The following PTPRM variants were observed in gnomAD, a reference collection of about 807,000 sequenced individuals.
PTPRM encodes the protein protein tyrosine phosphatase receptor type M.
PTPRM carries 47 observed loss-of-function variants against 186.7 expected under a neutral mutation model. The ratio of observed to expected loss-of-function variants is 0.25; its 90% CI spans 0.20 to 0.32. PTPRM has a LOEUF of 0.32. Among genes scored for constraint, PTPRM ranks in the 10% least tolerant of loss-of-function variants. PTPRM has a pLI of 1.00. For synonymous variants in PTPRM, 668 were observed against 674.9 expected (o/e 0.99, Z 0.16); for missense variants, 1,494 against 1,865.0 (o/e 0.80, Z 3.66).
At chr18:7,854,658 T>G (rs1403986460) in intron 2 of PTPRM, among the ~76,000 whole-genome samples, 1 of 151,998 alleles carries the variant, frequency 6.6e-6, no homozygotes, top group Non-Finnish European at 1.5e-5. Flanking sequence ...TGATCACCTC[T>G]GAGGCATGAA....
At chr18:8,351,765 T>A (rs2095535428) in intron 23 of PTPRM, among the ~76,000 whole-genome samples, 1 of 152,132 alleles carries the variant, frequency 6.6e-6, no homozygotes, top group Non-Finnish European at 1.5e-5. Context: ...ATGATTCCCA[T>A]CCAGACACTG....
chr18:8,296,557 C>T (rs1814668402), intron 20 of PTPRM, 102 bp downstream of exon 20: 2 of 771,992 alleles, frequency 2.6e-6, no homozygotes, highest in Non-Finnish European at 2.2e-6. Flanking sequence ...GTGCAATTAC[C>T]TCCTTCATCC....
At chr18:8,074,142 A>G (rs757763250) in intron 8 of PTPRM, among the ~76,000 whole-genome samples, 1 of 152,200 alleles carries the variant, frequency 6.6e-6, no homozygotes, top group Non-Finnish European at 1.5e-5. Context: ...TCAAAAAAAT[A>G]GGCATACTAT....
chr18:8,020,994 T>C (rs7229479), intron 7 of PTPRM, among the ~76,000 whole-genome samples: 13,434 of 152,170 alleles, frequency 0.088, 654 homozygotes, highest in Middle Eastern at 0.28. Flanking sequence ...AGTGCAGTAT[T>C]GGGACTTGGT....
chr18:8,242,358 A>G (rs893941917), intron 14 of PTPRM, among the ~76,000 whole-genome samples: 2 of 152,240 alleles, frequency 1.3e-5, no homozygotes, highest in Non-Finnish European at 2.9e-5. Flanking sequence ...TGGCAGATTC[A>G]GAAGTGAAGA....
intron 2 of PTPRM, among the ~76,000 whole-genome samples, chr18:7,782,056 TG>T (rs2042882913): frequency 6.6e-6 from 1 of 152,226 alleles, no homozygotes; most frequent in African/African-American, 2.4e-5. Flanking sequence ...TAAATTGGAC[TG>T]GAGTTGTAGT....
intron 7 of PTPRM, among the ~76,000 whole-genome samples, chr18:8,002,568 C>T (rs943508541): frequency 6.6e-6 from 1 of 152,170 alleles, no homozygotes; most frequent in Non-Finnish European, 1.5e-5. Flanking sequence ...ACCAGCTCTG[C>T]GTATTCTCCT....
At chr18:8,039,923 A>G (rs904510180) in intron 7 of PTPRM, among the ~76,000 whole-genome samples, 3 of 152,264 alleles carry the variant, frequency 2.0e-5, no homozygotes, top group Non-Finnish European at 2.9e-5. Flanking sequence ...GGCCCTGCTC[A>G]GAAATAATTG....
intron 11 of PTPRM, among the ~76,000 whole-genome samples, chr18:8,110,500 C>T (rs1441445369): frequency 6.6e-6 from 1 of 152,060 alleles, no homozygotes; most frequent in Non-Finnish European, 1.5e-5. Flanking sequence ...AATCTAGGAT[C>T]TTGGGACATG....
Position 7,568,917 on chromosome 18 carries a change from A to T in PTPRM, c.73+1026A>T, listed in dbSNP as rs1415251588. 6.6e-6 allele frequency among the ~76,000 whole-genome samples: 1 copy of T among 152,128 alleles called. No homozygotes were observed. The highest frequency in any genetic ancestry group is 6.5e-5 in the Admixed American group (1 of 15,280). ...ACGGCAAATGCTGGCCCATTTGCAC[A>T]CCTTCTTTCTAGTGTTTATTAGATT... On this transcript the variant is annotated intron_variant, in intron 1 of 32. Coordinates refer to ENST00000580170, the MANE Select transcript of PTPRM (RefSeq NM_001105244.2). The surrounding 1 kb of genome is among the most constrained non-coding windows in gnomAD (Gnocchi z 5.1).
At chr18:7,619,082 A>G (rs2037876206) in intron 1 of PTPRM, among the ~76,000 whole-genome samples, 3 of 152,204 alleles carry the variant, frequency 2.0e-5, no homozygotes, top group African/African-American at 7.2e-5. Flanking sequence ...GGCTTAAGCA[A>G]TGGGGTGCTT....
intron 5 of PTPRM, among the ~76,000 whole-genome samples, chr18:7,942,756 C>T (rs1386540105): frequency 1.1e-4 from 16 of 152,094 alleles, no homozygotes; most frequent in East Asian, 9.6e-4. Context: ...GGTACCATTT[C>T]CTGCACTGCA....
At chr18:7,920,394 A>G (rs758149564) in intron 4 of PTPRM, among the ~76,000 whole-genome samples, 1 of 152,176 alleles carries the variant, frequency 6.6e-6, no homozygotes, top group Non-Finnish European at 1.5e-5. Flanking sequence ...TATAAAACAT[A>G]TCTTATAGAT....
intron 2 of PTPRM, among the ~76,000 whole-genome samples, chr18:7,842,947 T>TATAGAGAGAGAGAGAGAGAGAGAG (rs370746043): frequency 2.7e-5 from 3 of 112,132 alleles, no homozygotes; most frequent in African/African-American, 8.4e-5. Flanking sequence ...TATATATATA[T>TATAGAGAGAGAGAGAGAGAGAGAG]AGAGAGAGAG....
intron 11 of PTPRM, among the ~76,000 whole-genome samples, chr18:8,097,488 A>G (rs1445639041): frequency 6.6e-6 from 1 of 152,170 alleles, no homozygotes; most frequent in Non-Finnish European, 1.5e-5. Flanking sequence ...AGCATTGAAA[A>G]GTGTTGTAGG....
intron 1 of PTPRM, among the ~76,000 whole-genome samples, chr18:7,611,190 T>C (rs2037664374): frequency 6.6e-6 from 1 of 150,952 alleles, no homozygotes; most frequent in Non-Finnish European, 1.5e-5. Flanking sequence ...AGTCAAAAAG[T>C]TAAAAAAAAT....
At chr18:8,109,497 T>G (rs1279667265) in intron 11 of PTPRM, among the ~76,000 whole-genome samples, 1 of 152,196 alleles carries the variant, frequency 6.6e-6, no homozygotes, top group Non-Finnish European at 1.5e-5. Context: ...AAAAGCAGTA[T>G]GTCTGGAGTA....
intron 7 of PTPRM, among the ~76,000 whole-genome samples, chr18:8,040,587 A>C (rs1600212670): frequency 6.6e-6 from 1 of 152,120 alleles, no homozygotes; most frequent in East Asian, 1.9e-4. Context: ...ACTACAAGTG[A>C]GTTTCTTGTC....
chr18:8,383,718 A>C (rs2095753840), intron 29 of PTPRM, among the ~76,000 whole-genome samples: 1 of 152,234 alleles, frequency 6.6e-6, no homozygotes, highest in African/African-American at 2.4e-5. Flanking sequence ...CTGAGCTGCA[A>C]GGGTTTGGAC....
Sources: allele counts gnomAD v4.1 joint callset (sites outside exome capture counted in the v4.1 genomes callset), GRCh38; gene constraint gnomAD v4.1.1; non-coding constraint Gnocchi (gnomAD v3.1); transcripts MANE v1.5; gene names NCBI Gene and HGNC (gene_info 2026-07-23, HGNC 2026-07-21).